The following PRRT1 variants were observed in gnomAD, a reference collection of about 807,000 sequenced individuals.
PRRT1 encodes the protein proline-rich transmembrane protein 1.
Under a neutral mutation model 22.6 loss-of-function variants are expected in PRRT1, and 8 were observed. That is an observed-to-expected ratio of 0.35 (90% CI 0.21 to 0.64). PRRT1 has a LOEUF of 0.64. Ranked by LOEUF, PRRT1 falls within the 30% of genes least tolerant of loss-of-function variation. The probability of loss-of-function intolerance (pLI) is 0.69; values close to 1 mark genes in which losing one functional copy is unlikely to be tolerated. For missense variants in PRRT1, 315 were observed against 444.5 expected (o/e 0.71, Z 2.62); for synonymous variants, 176 against 203.6 (o/e 0.86, Z 1.15).
At position 32,149,218 on chromosome 6, in the gene PRRT1, G is replaced by T; in HGVS notation, c.*4C>A. On this transcript the variant is annotated 3_prime_UTR_variant, in exon 4 of 4. Transcript: ENST00000211413. This position sits in a 1 kb window ranked among gnomAD's most constrained non-coding sequence, Gnocchi z 8.7. The stretch of plus-strand genomic sequence containing the variant: ...CGCAGAGTGGGGCCGGACCAGGGGC[G>T]TTTTTAGGGATCCCAGTAGTTCTCG... 6.2e-7 allele frequency: 1 copy of T among 1,611,344 alleles called. No individual in the cohort carries two copies. Among genetic ancestry groups the T allele is most frequent in the Admixed American group, 1.7e-5 (1 of 59,864 alleles).
rs1314769981 is a variant in PRRT1, at chr6:32,150,665, G to C, written c.261C>G (p.His87Gln). Reference sequence around the variant, plus strand: ...CCCCGGCAGCAGGGCCGGGAGGGGCGTGGTGGGGGGGCCTCGGCAGCGTGG... The same window carrying C: ...CCCCGGCAGCAGGGCCGGGAGGGGCCTGGTGGGGGGGCCTCGGCAGCGTGG... ...SSATLPRPPH[H>Q]APPGPAAGAP... is the part of the protein sequence containing the mutation. The change falls in exon 2 of 4, where the codon CAC (histidine) becomes CAG (glutamine). Residue 87 changes from histidine to glutamine, a missense_variant. By Grantham distance (24) the His-to-Gln change is conservative. This residue lies in a region of PRRT1 where 263 missense variants were observed against 328.5 expected (regional missense o/e 0.80). Coordinates refer to ENST00000211413, the MANE Select transcript of PRRT1 (RefSeq NM_030651.4). The surrounding 1 kb of genome is among the most constrained non-coding windows in gnomAD (Gnocchi z 7.2). The C allele has an allele frequency of 7.0e-7, 1 of 1,425,688 alleles. No homozygotes were observed. Among genetic ancestry groups the C allele is most frequent in the Admixed American group, 3.1e-5 (1 of 32,308 alleles). The allele number at this position is 1,425,688 out of a possible 1,614,324, so 88.3% of individuals were successfully genotyped here.
chr6:32,150,922 G>A lies in PRRT1; in HGVS notation c.20-16C>T. On this transcript the variant is annotated splice_polypyrimidine_tract_variant and intron_variant, in intron 1 of 3. Coordinates refer to ENST00000211413, the MANE Select transcript of PRRT1 (RefSeq NM_030651.4). This position sits in a 1 kb window ranked among gnomAD's most constrained non-coding sequence, Gnocchi z 7.2. Reference sequence around the variant, plus strand: ...TCTGGGAGTCCTGGGGGAGGTGAGTGGAGGAGAGTATAAGAGGAAAGATGA... The same window carrying A: ...TCTGGGAGTCCTGGGGGAGGTGAGTAGAGGAGAGTATAAGAGGAAAGATGA... The A allele has an allele frequency of 6.4e-7, 1 of 1,559,722 alleles. No homozygotes were observed. Among genetic ancestry groups the A allele is most frequent in the Non-Finnish European group, 8.6e-7 (1 of 1,157,284 alleles).
rs747872487 is a variant in PRRT1, at chr6:32,149,707, T to C, written c.574A>G (p.Thr192Ala). The change falls in exon 3 of 4, where the codon ACC becomes GCC. Residue 192 changes from threonine to alanine, a missense_variant. This residue lies in a region of PRRT1 where 263 missense variants were observed against 328.5 expected (regional missense o/e 0.80). Transcript: ENST00000211413. This position sits in a 1 kb window ranked among gnomAD's most constrained non-coding sequence, Gnocchi z 8.7. ...YPVGTPYAGG[T>A]PGGTGVTSTL... ...GAGGTCACTCCTGTTCCCCCCGGGG[T>C]CCCGCCTGCATATGGCTGTGGAAGG... 1.1e-5 allele frequency: 18 copies of C among 1,592,526 alleles called. No individual in the cohort carries two copies. In the East Asian group the frequency reaches 4.0e-4, roughly 36 times the overall value.
In PRRT1 at chr6:32,151,021, A is replaced by AT. The variant is rs1234759162; in HGVS notation, c.20-116_20-115insA. The AT allele has an allele frequency of 4.6e-6, 4 of 871,798 alleles. No homozygotes were observed. The African/African-American group carries it at 6.6e-5, about 14-fold the overall frequency. 54.0% of individuals were successfully genotyped at this position (871,798 alleles called of 1,614,324 possible). A position where few individuals can be genotyped will look rare whatever the true frequency, so the allele number is the denominator to read the frequency against. ...GATGGAGAAAGATAATGGGAGAGAC[A>AT]CATAGAGAGAGACGGGTGAGAAACC... On this transcript the variant is annotated intron_variant, in intron 1 of 3. Transcript: ENST00000211413.
chr6:32,149,745 CA>C lies in PRRT1; in HGVS notation c.559-24del. 2 of 1,494,310 alleles carry C rather than the reference CA, an allele frequency of 1.3e-6. No individual in the cohort carries two copies. Among genetic ancestry groups the C allele is most frequent in the South Asian group, 2.5e-5 (2 of 79,420 alleles). The allele number at this position is 1,494,310 out of a possible 1,614,324, so 92.6% of individuals were successfully genotyped here. ...TGGCTGTGGAAGGAAATTTGGGGGG[CA>C]GGGGCATCACTCTGACCCTCTCCCA... On this transcript the variant is annotated intron_variant, in intron 2 of 3. Coordinates refer to ENST00000211413, the MANE Select transcript of PRRT1 (RefSeq NM_030651.4). This position sits in a 1 kb window ranked among gnomAD's most constrained non-coding sequence, Gnocchi z 8.7.
intron 1 of PRRT1, 142 bp from the exon 2 acceptor site, chr6:32,151,048 T>C: frequency 3.9e-6 from 3 of 777,272 alleles, no homozygotes; most frequent in Non-Finnish European, 6.6e-6. Flanking sequence ...TGAGAAACCA[T>C]CTCTAATTTG....
Position 32,148,493 on chromosome 6 carries a change from C to T in PRRT1, c.*729G>A. The T allele has an allele frequency of 3.5e-6, 1 of 288,710 alleles. No homozygotes were observed. 17.9% of individuals were successfully genotyped at this position (288,710 alleles called of 1,614,324 possible). On this transcript the variant is annotated 3_prime_UTR_variant, in exon 4 of 4. Coordinates refer to ENST00000211413, the MANE Select transcript of PRRT1 (RefSeq NM_030651.4). This position sits in a 1 kb window ranked among gnomAD's most constrained non-coding sequence, Gnocchi z 5.7. Reference sequence around the variant, plus strand: ...GGTCCATAGCCTGGATTCCCTTCTGCCCGGCTGCCCAGGGGCTGGGATGGG... The same window carrying T: ...GGTCCATAGCCTGGATTCCCTTCTGTCCGGCTGCCCAGGGGCTGGGATGGG...
In PRRT1 at chr6:32,151,866, G is replaced by A; in HGVS notation, c.-39C>T. On this transcript the variant is annotated 5_prime_UTR_variant, in exon 1 of 4. Coordinates refer to ENST00000211413, the MANE Select transcript of PRRT1 (RefSeq NM_030651.4). ...CTGGGACAGGGTCCCTGCAGCCGGA[G>A]TGGGGGTCCTCGGCCGGTGCTGGAG... 2 of 1,604,636 alleles carry A rather than the reference G, an allele frequency of 1.2e-6. 1 individual carries two copies. Among genetic ancestry groups the A allele is most frequent in the Non-Finnish European group, 1.7e-6 (2 of 1,174,858 alleles).
rs1443307796 is a variant in PRRT1 at position 32,150,321 on chromosome 6, G to C, written c.558+47C>G. 1 of 1,537,914 alleles carries C rather than the reference G, an allele frequency of 6.5e-7. No homozygotes were observed. Among genetic ancestry groups the C allele is most frequent in the Non-Finnish European group, 8.7e-7 (1 of 1,152,394 alleles). On this transcript the variant is annotated intron_variant, in intron 2 of 3. Transcript: ENST00000211413. This position sits in a 1 kb window ranked among gnomAD's most constrained non-coding sequence, Gnocchi z 7.2. ...CAGCGTATCCCCAATTTCAAGTCCT[G>C]TATCGCGTCCCCCTCTTTCCCATGT...
At position 32,148,973 on chromosome 6, in the gene PRRT1, G is replaced by C. The variant is rs938858966; in HGVS notation, c.*249C>G. On this transcript the variant is annotated 3_prime_UTR_variant, in exon 4 of 4. Transcript: ENST00000211413. This position sits in a 1 kb window ranked among gnomAD's most constrained non-coding sequence, Gnocchi z 5.7. Reference sequence around the variant, plus strand: ...GGTGAGGGGGCCTGGAGCGACTGAGGGTCCGGCGTTTGGCCGGGATCCCGG... The same window carrying C: ...GGTGAGGGGGCCTGGAGCGACTGAGCGTCCGGCGTTTGGCCGGGATCCCGG... 3 of 697,390 alleles carry C rather than the reference G, an allele frequency of 4.3e-6. No homozygotes were observed. Among genetic ancestry groups the C allele is most frequent in the Non-Finnish European group, 7.9e-6 (3 of 382,106 alleles). 43.2% of individuals were successfully genotyped at this position (697,390 alleles called of 1,614,324 possible).
chr6:32,151,984 A>AGGGGGGGGGGGGGG, upstream of PRRT1: 4 of 76,806 alleles, frequency 5.2e-5, no homozygotes, highest in South Asian at 1.0e-4. Context: ...GGGCGGAGGG[A>AGGGGGGGGGGGGGG]GAGCGGGGAG....
chr6:32,150,522 G>A lies in PRRT1; in HGVS notation c.404C>T (p.Pro135Leu). The change falls in exon 2 of 4, where the codon CCG (proline) becomes CTG (leucine). Residue 135 changes from proline (P) to leucine (L), a missense_variant. Pro to Leu is a moderately conservative substitution (Grantham distance 98). Coordinates refer to ENST00000211413, the MANE Select transcript of PRRT1 (RefSeq NM_030651.4). This position sits in a 1 kb window ranked among gnomAD's most constrained non-coding sequence, Gnocchi z 7.2. ...GGCCTGGGCAGTCTGGGCTGGCGCC[G>A]GCGGGGGCGGGGCGGCGGCAGCGGG... ...PPPAAAAPPP[P>L]APAQTAQAPG... is the part of the protein sequence containing the mutation. 7.2e-7 allele frequency: 1 copy of A among 1,379,578 alleles called. No individual in the cohort carries two copies. The highest frequency in any genetic ancestry group is 9.4e-7 in the Non-Finnish European group (1 of 1,069,088). 85.5% of individuals were successfully genotyped at this position (1,379,578 alleles called of 1,614,324 possible).
rs1561797665 is a variant in PRRT1, at chr6:32,148,822, A to C, written c.*400T>G. Reference sequence around the variant, plus strand: ...ACTGGACTGAATCACCCCGCGGAGAAGAAAAGAAGGCGGAGCCTGCCGACC... The same window carrying C: ...ACTGGACTGAATCACCCCGCGGAGACGAAAAGAAGGCGGAGCCTGCCGACC... On this transcript the variant is annotated 3_prime_UTR_variant, in exon 4 of 4. Coordinates refer to ENST00000211413, the MANE Select transcript of PRRT1 (RefSeq NM_030651.4). The surrounding 1 kb of genome is among the most constrained non-coding windows in gnomAD (Gnocchi z 5.7). 1.8e-5 allele frequency: 9 copies of C among 502,532 alleles called. No individual in the cohort carries two copies. Among genetic ancestry groups the C allele is most frequent in the Non-Finnish European group, 2.7e-5 (7 of 257,378 alleles). 31.1% of individuals were successfully genotyped at this position (502,532 alleles called of 1,614,324 possible). A position where few individuals can be genotyped will look rare whatever the true frequency, so the allele number is the denominator to read the frequency against.
chr6:32,151,655 A>G (rs1484171006), intron 1 of PRRT1, 154 bp downstream of exon 1: 11 of 615,762 alleles, frequency 1.8e-5, no homozygotes, highest in South Asian at 7.3e-5. Context: ...GGGGAGACAG[A>G]AAGAGGAGGG....
intron 1 of PRRT1, 137 bp downstream of exon 1, chr6:32,151,672 G>A: frequency 1.6e-6 from 1 of 635,048 alleles, no homozygotes; most frequent in Non-Finnish European, 2.9e-6. Flanking sequence ...AGGGGGACTG[G>A]GGGAGTGTTG....
At position 32,150,347 on chromosome 6, in the gene PRRT1, C is replaced by A; in HGVS notation, c.558+21G>T. 6.5e-7 allele frequency: 1 copy of A among 1,550,082 alleles called. No individual in the cohort carries two copies. The highest frequency in any genetic ancestry group is 8.7e-7 in the Non-Finnish European group (1 of 1,155,884). On this transcript the variant is annotated intron_variant, in intron 2 of 3. Transcript: ENST00000211413. The surrounding 1 kb of genome is among the most constrained non-coding windows in gnomAD (Gnocchi z 7.2). Reference sequence around the variant, plus strand: ...TATCGCGTCCCCCTCTTTCCCATGTCCCTGTCTGCCCGGCACTCACCGTGC... The same window carrying A: ...TATCGCGTCCCCCTCTTTCCCATGTACCTGTCTGCCCGGCACTCACCGTGC...
upstream of PRRT1, chr6:32,152,081 TCTC>T (rs769673670): frequency 9.8e-5 from 69 of 701,974 alleles, no homozygotes; most frequent in Non-Finnish European, 1.6e-4. Flanking sequence ...GGACCACCTC[TCTC>T]CTCCTCTTAC....
chr6:32,151,975 G>GGGGGGGGGGGGGGGGGGGGGT, upstream of PRRT1: 1 of 280,206 alleles, frequency 3.6e-6, no homozygotes. Context: ...GGGGGGGGCG[G>GGGGGGGGGGGGGGGGGGGGGT]GCGGAGGGAG....
rs751061764 is a variant in PRRT1 at position 32,151,913 on chromosome 6, C to G, written c.-86G>C. 1.9e-6 allele frequency: 2 copies of G among 1,039,250 alleles called. No homozygotes were observed. Among genetic ancestry groups the G allele is most frequent in the Admixed American group, 3.5e-5 (2 of 57,564 alleles). The allele number at this position is 1,039,250 out of a possible 1,614,324, so 64.4% of individuals were successfully genotyped here. On this transcript the variant is annotated 5_prime_UTR_variant, in exon 1 of 4. Coordinates refer to ENST00000211413, the MANE Select transcript of PRRT1 (RefSeq NM_030651.4). ...GGAGTCTGGGTGCTGGATGGCGCAG[C>G]CGGCAGCAGCGCAGAGATGGAGAGA...
Sources: gnomAD v4.1 joint callset for allele counts on GRCh38, gnomAD v4.1.1 for gene constraint, gnomAD v4.1.1 regional missense constraint, Gnocchi (gnomAD v3.1) non-coding constraint, MANE v1.5 for transcripts, NCBI Gene and HGNC (gene_info 2026-07-23, HGNC 2026-07-21) for gene names.